The following MDFIC variants were observed in gnomAD, a reference collection of about 807,000 sequenced individuals.
MDFIC encodes MyoD family inhibitor domain containing.
Under a neutral mutation model 23.2 loss-of-function variants are expected in MDFIC, and 17 were observed. The observed-to-expected ratio is 0.73, with a 90% CI of 0.50 to 1.10. MDFIC has a LOEUF of 1.10. Ranked by LOEUF, MDFIC falls within the 50% of genes least tolerant of loss-of-function variation. The pLI, the probability that MDFIC is intolerant of heterozygous loss-of-function variation, is 0.00. For synonymous variants in MDFIC, 120 were observed against 115.2 expected (o/e 1.04, Z -0.27); for missense variants, 356 against 316.6 (o/e 1.12, Z -0.95).
chr7:114,945,422 A>G (rs1004582917), intron 3 of MDFIC, among the ~76,000 whole-genome samples: 17 of 151,882 alleles, frequency 1.1e-4, no homozygotes, highest in African/African-American at 3.6e-4. Context: ...TACCTGCTTG[A>G]ACTCATACTT....
chr7:115,015,638 G>C, intron 4 of MDFIC, 50 bp from the exon 5 acceptor site: 8 of 1,583,592 alleles, frequency 5.1e-6, no homozygotes, highest in Non-Finnish European at 6.9e-6. Flanking sequence ...CACGTATTTT[G>C]TGTTCCTCCT....
chr7:114,976,903 A>T (rs1793327260), intron 3 of MDFIC, among the ~76,000 whole-genome samples: 1 of 152,100 alleles, frequency 6.6e-6, no homozygotes, highest in Non-Finnish European at 1.5e-5. Flanking sequence ...GTCACCAAAG[A>T]TAATAAGTCC....
chr7:114,992,532 C>T (rs1304122917), intron 4 of MDFIC, among the ~76,000 whole-genome samples: 1 of 152,098 alleles, frequency 6.6e-6, no homozygotes, highest in African/African-American at 2.4e-5. Context: ...CCAGCAATAC[C>T]GAATTTATTG....
intron 3 of MDFIC, among the ~76,000 whole-genome samples, chr7:114,945,488 A>G (rs1334734666): frequency 2.0e-5 from 3 of 152,242 alleles, no homozygotes; most frequent in Non-Finnish European, 4.4e-5. Context: ...GTCCACGTAG[A>G]AAACATTGCA....
rs1791864671 is a variant in MDFIC at position 115,019,787 on chromosome 7, G to A, written c.*3852G>A. ...ACATATCATTTTTGTTTTAAACAATGGTTAATATATTAATAGGGTTTGTTC... is the reference window on the plus strand; with the variant it reads ...ACATATCATTTTTGTTTTAAACAATAGTTAATATATTAATAGGGTTTGTTC... On this transcript the variant is annotated 3_prime_UTR_variant, in exon 5 of 5. Transcript: ENST00000393486. Among the ~76,000 whole-genome samples the A allele has an allele frequency of 6.6e-6, 1 of 151,954 alleles. No homozygotes were observed. The highest frequency in any genetic ancestry group is 1.5e-5 in the Non-Finnish European group (1 of 67,964).
intron 4 of MDFIC, among the ~76,000 whole-genome samples, chr7:115,014,742 A>C (rs1286181683): frequency 6.6e-6 from 1 of 152,234 alleles, no homozygotes; most frequent in South Asian, 2.1e-4. Context: ...TACATGTGTT[A>C]AAGTTATCTA....
At chr7:114,963,998 A>G (rs555085929) in intron 3 of MDFIC, among the ~76,000 whole-genome samples, 72 of 152,344 alleles carry the variant, frequency 4.7e-4, no homozygotes, top group African/African-American at 1.7e-3. Context: ...AATAAAACAT[A>G]ATTTTATATA....
At chr7:114,989,972 C>T (rs1156810523) in intron 4 of MDFIC, among the ~76,000 whole-genome samples, 2 of 152,020 alleles carry the variant, frequency 1.3e-5, no homozygotes, top group Admixed American at 1.3e-4. Flanking sequence ...TGAATTTAAT[C>T]ATAGCTTTTA....
At chr7:114,958,843 G>A (rs935754739) in intron 3 of MDFIC, among the ~76,000 whole-genome samples, 4 of 152,038 alleles carry the variant, frequency 2.6e-5, no homozygotes, top group Admixed American at 6.6e-5. Flanking sequence ...CTAAGGATTC[G>A]CCACTCCTCA....
chr7:114,933,960 C>T (rs1792378631), intron 2 of MDFIC: 1 of 152,184 alleles, frequency 6.6e-6, no homozygotes, highest in South Asian at 2.1e-4. Context: ...TTTTCTGAGG[C>T]TGTTTCTCTA....
intron 4 of MDFIC, among the ~76,000 whole-genome samples, chr7:114,995,094 A>C (rs1791293808): frequency 6.6e-6 from 1 of 152,116 alleles, no homozygotes; most frequent in African/African-American, 2.4e-5. Context: ...CATTTCATTC[A>C]TTTGATCTTC....
intron 4 of MDFIC, among the ~76,000 whole-genome samples, chr7:114,987,028 T>C (rs1386885662): frequency 6.6e-6 from 1 of 152,154 alleles, no homozygotes; most frequent in Non-Finnish European, 1.5e-5. Context: ...CAGGAATGGC[T>C]GAAATTCTTA....
chr7:114,966,675 A>C (rs1793103595), intron 3 of MDFIC, among the ~76,000 whole-genome samples: 1 of 152,214 alleles, frequency 6.6e-6, no homozygotes, highest in African/African-American at 2.4e-5. Flanking sequence ...ATATTTACAG[A>C]ATAACAGTTT....
intron 2 of MDFIC, 49 bp downstream of exon 2, chr7:114,923,176 T>G (rs1792126416): frequency 6.5e-7 from 1 of 1,527,482 alleles, no homozygotes; most frequent in African/African-American, 1.4e-5. Flanking sequence ...TGTTGCATTT[T>G]TCAGTTTGCT....
Position 114,979,592 on chromosome 7 carries a change from G to T in MDFIC, c.304G>T (p.Gly102Cys). The T allele has an allele frequency of 6.2e-7, 1 of 1,614,072 alleles. No individual in the cohort carries two copies. Among genetic ancestry groups the T allele is most frequent in the Non-Finnish European group, 8.5e-7 (1 of 1,179,982 alleles). Reference sequence around the variant, plus strand: ...AGGCAAGATAAAGAACGGCCACACAGGTCTGAGCAATGGAAATGGAATTCA... The same window carrying T: ...AGGCAAGATAAAGAACGGCCACACATGTCTGAGCAATGGAAATGGAATTCA... ...EIGKIKNGHT[G>C]LSNGNGIHHG... Residue 102 changes from glycine to cysteine, a missense_variant, in exon 4 of 5, where the codon GGT becomes TGT. Coordinates refer to ENST00000393486, the MANE Select transcript of MDFIC (RefSeq NM_001166345.3).
intron 3 of MDFIC, among the ~76,000 whole-genome samples, chr7:114,973,299 C>T (rs1793245371): frequency 6.6e-6 from 1 of 152,076 alleles, no homozygotes; most frequent in Non-Finnish European, 1.5e-5. Context: ...GGCTCCCCTC[C>T]CTGCTGCCAT....
intron 2 of MDFIC, among the ~76,000 whole-genome samples, chr7:114,930,853 G>A (rs1378254679): frequency 1.3e-5 from 2 of 152,184 alleles, no homozygotes; most frequent in Non-Finnish European, 2.9e-5. Context: ...GATAAATCGT[G>A]ATTTCTATGT....
chr7:114,928,774 C>G (rs1294761013), intron 2 of MDFIC, among the ~76,000 whole-genome samples: 1 of 152,000 alleles, frequency 6.6e-6, no homozygotes, highest in Non-Finnish European at 1.5e-5. Flanking sequence ...GGTGACAGTT[C>G]ATAGAATGGT....
At chr7:114,968,282 A>G (rs964779481) in intron 3 of MDFIC, among the ~76,000 whole-genome samples, 1 of 152,226 alleles carries the variant, frequency 6.6e-6, no homozygotes, top group African/African-American at 2.4e-5. Flanking sequence ...TGCTCCAAAA[A>G]ATTAAAACAT....
Sources: allele counts gnomAD v4.1 joint callset (sites outside exome capture counted in the v4.1 genomes callset), GRCh38; gene constraint gnomAD v4.1.1; transcripts MANE v1.5; gene names NCBI Gene and HGNC (gene_info 2026-07-23, HGNC 2026-07-21).